CPEB3: variants seen among roughly 807,000 people sequenced by gnomAD.
CPEB3 encodes cytoplasmic polyadenylation element binding protein 3.
A neutral mutation model predicts 67.2 loss-of-function variants in CPEB3; 20 were observed. That is an observed-to-expected ratio of 0.30 (90% CI 0.21 to 0.43). The LOEUF (loss-of-function observed/expected upper bound fraction) is 0.43, where lower values mean the gene tolerates loss of function less well. Ranked by LOEUF, CPEB3 falls within the 20% of genes least tolerant of loss-of-function variation. CPEB3 has a pLI of 1.00. For missense variants in CPEB3, 746 were observed against 968.6 expected, an observed-to-expected ratio of 0.77 and a Z score of 3.05; for synonymous variants, 376 against 393.1, an observed-to-expected ratio of 0.96 and a Z score of 0.51.
intron 4 of CPEB3, among the ~76,000 whole-genome samples, chr10:92,146,408 G>A (rs1169852883): frequency 6.7e-6 from 1 of 149,922 alleles, no homozygotes; most frequent in Non-Finnish European, 1.5e-5. Flanking sequence ...GGGGAAAAAA[G>A]GAAAATTCCC....
chr10:92,126,228 T>C (rs1845604233), intron 6 of CPEB3, among the ~76,000 whole-genome samples: 1 of 152,180 alleles, frequency 6.6e-6, no homozygotes, highest in African/African-American at 2.4e-5. Context: ...ACTGTTCAAA[T>C]CCCTGCAGCT....
At chr10:92,127,226 T>C (rs1845642925) in intron 6 of CPEB3, among the ~76,000 whole-genome samples, 1 of 152,180 alleles carries the variant, frequency 6.6e-6, no homozygotes, top group South Asian at 2.1e-4. Flanking sequence ...GGCAGGAGGA[T>C]TGCTTGAAGC....
intron 7 of CPEB3, among the ~76,000 whole-genome samples, chr10:92,101,791 C>T (rs1429557434): frequency 2.0e-5 from 3 of 152,048 alleles, no homozygotes; most frequent in African/African-American, 7.2e-5. Flanking sequence ...GCCTGAAATC[C>T]CAGCTACTTA....
At chr10:92,245,568 C>T (rs894443640) in intron 1 of CPEB3, among the ~76,000 whole-genome samples, 1 of 152,180 alleles carries the variant, frequency 6.6e-6, no homozygotes, top group Non-Finnish European at 1.5e-5. Context: ...GTGACCTTAG[C>T]TTATATTTCC....
chr10:92,193,227 A>T (rs544806497), intron 2 of CPEB3, among the ~76,000 whole-genome samples: 1 of 152,116 alleles, frequency 6.6e-6, no homozygotes, highest in African/African-American at 2.4e-5. Context: ...AAAAAGAACA[A>T]TGACTTGGTA....
In CPEB3 at chr10:92,258,010, G is replaced by A. The variant is rs1390149540; in HGVS notation, c.-11-17649C>T. On this transcript the variant is annotated intron_variant, in intron 1 of 9. Coordinates refer to ENST00000265997, the MANE Select transcript of CPEB3 (RefSeq NM_014912.5). Reference sequence around the variant, plus strand: ...CTACCAAAGTGCTGGGATTACAAGCGTGAGTTATCGTGCCCGGCCTCTCAA... The same window carrying A: ...CTACCAAAGTGCTGGGATTACAAGCATGAGTTATCGTGCCCGGCCTCTCAA... 3.3e-5 allele frequency among the ~76,000 whole-genome samples: 5 copies of A among 151,870 alleles called. No individual in the cohort carries two copies. The East Asian group carries it at 5.8e-4, about 18-fold the overall frequency.
At chr10:92,229,533 C>T (rs981070047) in intron 2 of CPEB3, among the ~76,000 whole-genome samples, 4 of 152,134 alleles carry the variant, frequency 2.6e-5, no homozygotes, top group Admixed American at 6.5e-5. Context: ...AGCTAGTGTT[C>T]CCATTTATTG....
At chr10:92,282,204 A>G (rs1398248312) in intron 1 of CPEB3, among the ~76,000 whole-genome samples, 1 of 152,214 alleles carries the variant, frequency 6.6e-6, no homozygotes, top group Non-Finnish European at 1.5e-5. Flanking sequence ...CTCCCACCAT[A>G]TTTATAAGGA....
intron 1 of CPEB3, among the ~76,000 whole-genome samples, chr10:92,272,467 G>C (rs1240149280): frequency 6.6e-6 from 1 of 152,126 alleles, no homozygotes; most frequent in Non-Finnish European, 1.5e-5. Flanking sequence ...ATTAGATAGA[G>C]TTAGAAACCA....
chr10:92,129,421 A>C (rs888142089), intron 6 of CPEB3, among the ~76,000 whole-genome samples: 1 of 152,144 alleles, frequency 6.6e-6, no homozygotes, highest in Non-Finnish European at 1.5e-5. Flanking sequence ...TGGGTGACCA[A>C]ATAATCTGTA....
intron 2 of CPEB3, among the ~76,000 whole-genome samples, chr10:92,228,563 T>G (rs1851098936): frequency 6.6e-6 from 1 of 152,118 alleles, no homozygotes; most frequent in African/African-American, 2.4e-5. Context: ...CCTCCCATCC[T>G]TAATCAGCCC....
chr10:92,107,823 T>G (rs1844545499), intron 7 of CPEB3, among the ~76,000 whole-genome samples: 1 of 152,180 alleles, frequency 6.6e-6, no homozygotes, highest in Non-Finnish European at 1.5e-5. Context: ...AGGCCATAAA[T>G]ACAGTTCCTT....
chr10:92,105,013 G>C (rs1409966948), intron 7 of CPEB3, among the ~76,000 whole-genome samples: 2 of 152,002 alleles, frequency 1.3e-5, no homozygotes, highest in East Asian at 1.9e-4. Context: ...CAATCCTCCT[G>C]CCTCAGCCTC....
intron 1 of CPEB3, among the ~76,000 whole-genome samples, chr10:92,289,732 A>AAAAAATATATAT: frequency 1.3e-5 from 1 of 75,772 alleles, no homozygotes; most frequent in African/African-American, 5.1e-5. Flanking sequence ...AAAAAAAAAA[A>AAAAAATATATAT]ATATATATAT....
intron 9 of CPEB3, 99 bp from the exon 10 acceptor site, chr10:92,052,538 A>T: frequency 1.0e-6 from 1 of 984,732 alleles, no homozygotes; most frequent in Non-Finnish European, 1.5e-6. Flanking sequence ...CGTATGTCTC[A>T]ATCAGACGCT....
intron 6 of CPEB3, among the ~76,000 whole-genome samples, chr10:92,120,104 A>C (rs1845276946): frequency 1.4e-5 from 2 of 139,142 alleles, no homozygotes; most frequent in African/African-American, 2.8e-5. Flanking sequence ...AATACAAAAA[A>C]AAAAAAAAAA....
chr10:92,086,612 T>G lies in CPEB3; in HGVS notation c.1688-5111A>C, dbSNP rs554017599. 9.2e-5 allele frequency among the ~76,000 whole-genome samples: 14 copies of G among 152,326 alleles called. No individual in the cohort carries two copies. In the South Asian group the frequency reaches 2.1e-3, roughly 23 times the overall value. Reference sequence around the variant, plus strand: ...AATCTCACAGGGTCATTGTGAGAATTAAACATCCATGAGAGCTCTGGGCAC... The same window carrying G: ...AATCTCACAGGGTCATTGTGAGAATGAAACATCCATGAGAGCTCTGGGCAC... On this transcript the variant is annotated intron_variant, in intron 8 of 9. Coordinates refer to ENST00000265997, the MANE Select transcript of CPEB3 (RefSeq NM_014912.5).
intron 6 of CPEB3, among the ~76,000 whole-genome samples, chr10:92,134,721 C>A: frequency 6.6e-6 from 1 of 151,740 alleles, no homozygotes; most frequent in Admixed American, 6.6e-5. Context: ...TTCTAGGCAA[C>A]AAGAACAAAG....
At chr10:92,111,533 C>A (rs974479321) in intron 6 of CPEB3, among the ~76,000 whole-genome samples, 2 of 152,216 alleles carry the variant, frequency 1.3e-5, no homozygotes, top group Admixed American at 6.5e-5. Context: ...TTTCCAATTT[C>A]TACAAAGCTC....
Sources: gnomAD v4.1 joint callset for allele counts (sites outside exome capture counted in the v4.1 genomes callset) on GRCh38, gnomAD v4.1.1 for gene constraint, MANE v1.5 for transcripts, NCBI Gene and HGNC (gene_info 2026-07-23, HGNC 2026-07-21) for gene names.